PPP1R9A: variants seen among roughly 807,000 people sequenced by gnomAD.
The protein encoded by PPP1R9A is neurabin-1.
PPP1R9A carries 59 observed loss-of-function variants against 141.9 expected under a neutral mutation model. That is an observed-to-expected ratio of 0.42 (90% CI 0.34 to 0.52). The LOEUF is 0.52. Among genes scored for constraint, PPP1R9A ranks in the 20% least tolerant of loss-of-function variants. The pLI, the probability that PPP1R9A is intolerant of heterozygous loss-of-function variation, is 0.10. For synonymous variants in PPP1R9A, 500 were observed against 569.7 expected, an observed-to-expected ratio of 0.88 and a Z score of 1.74; for missense variants, 1,444 against 1,611.9, an observed-to-expected ratio of 0.90 and a Z score of 1.78.
At chr7:95,199,261 T>G (rs1157358654) in intron 6 of PPP1R9A, among the ~76,000 whole-genome samples, 1 of 152,204 alleles carries the variant, frequency 6.6e-6, no homozygotes, top group Admixed American at 6.5e-5. Context: ...AACATTCATG[T>G]GTTTCATATT....
intron 2 of PPP1R9A, among the ~76,000 whole-genome samples, chr7:94,942,807 A>C (rs1325792964): frequency 4.4e-4 from 1 of 2,256 alleles, no homozygotes; most frequent in Non-Finnish European, 6.6e-4. Context: ...GTCTCTCAAT[A>C]AATAAATAAA....
At chr7:95,233,209 GT>G (rs1796219044) in intron 8 of PPP1R9A, among the ~76,000 whole-genome samples, 1 of 152,162 alleles carries the variant, frequency 6.6e-6, no homozygotes, top group South Asian at 2.1e-4. Context: ...ATGACTTAAT[GT>G]CCTTTGCAGG....
intron 2 of PPP1R9A, among the ~76,000 whole-genome samples, chr7:95,084,783 A>G (rs939598607): frequency 2.0e-5 from 3 of 152,112 alleles, no homozygotes; most frequent in South Asian, 2.1e-4. Context: ...CATGTATTCT[A>G]TTGTATGAAT....
At chr7:95,234,941 G>T (rs1796474408) in intron 8 of PPP1R9A, among the ~76,000 whole-genome samples, 1 of 152,146 alleles carries the variant, frequency 6.6e-6, no homozygotes, top group Non-Finnish European at 1.5e-5. Context: ...AACAAATGGT[G>T]CTGGGACAAT....
At chr7:95,074,107 T>A (rs1270479060) in intron 2 of PPP1R9A, among the ~76,000 whole-genome samples, 1 of 152,212 alleles carries the variant, frequency 6.6e-6, no homozygotes, top group African/African-American at 2.4e-5. Context: ...AGTTTCCTCA[T>A]GCTTAGCGTG....
intron 2 of PPP1R9A, among the ~76,000 whole-genome samples, chr7:94,943,071 A>G (rs1795518079): frequency 6.6e-6 from 1 of 152,104 alleles, no homozygotes; most frequent in South Asian, 2.1e-4. Flanking sequence ...CTATTTAGTT[A>G]TTTTGGGTAG....
chr7:95,174,089 A>G (rs181698831), intron 5 of PPP1R9A, among the ~76,000 whole-genome samples: 137 of 152,262 alleles, frequency 9.0e-4, no homozygotes, highest in African/African-American at 2.9e-3. Context: ...CTTTTTCATA[A>G]TAACTAAAAA....
At chr7:94,908,938 T>C (rs1464194411) in intron 1 of PPP1R9A, among the ~76,000 whole-genome samples, 4 of 152,150 alleles carry the variant, frequency 2.6e-5, no homozygotes, top group Non-Finnish European at 5.9e-5. Context: ...GTGATGTGGC[T>C]CGGTCTAATA....
intron 2 of PPP1R9A, among the ~76,000 whole-genome samples, chr7:95,090,122 T>A (rs1444515127): frequency 6.6e-6 from 1 of 151,910 alleles, no homozygotes; most frequent in Non-Finnish European, 1.5e-5. Flanking sequence ...AAGGATCAAG[T>A]CTTTGGTGGT....
intron 4 of PPP1R9A, among the ~76,000 whole-genome samples, chr7:95,123,482 C>A (rs1441997560): frequency 1.3e-5 from 2 of 152,162 alleles, no homozygotes; most frequent in Admixed American, 1.3e-4. Context: ...AACCCCATCT[C>A]TACTAAAAAT....
chr7:95,084,567 A>C (rs372442689), intron 2 of PPP1R9A, among the ~76,000 whole-genome samples: 11 of 152,070 alleles, frequency 7.2e-5, no homozygotes, highest in Admixed American at 2.6e-4. Flanking sequence ...CCTAATATAA[A>C]ATCGTTTTGT....
intron 8 of PPP1R9A, among the ~76,000 whole-genome samples, chr7:95,238,803 C>G (rs1251232095): frequency 6.6e-6 from 1 of 152,132 alleles, no homozygotes; most frequent in African/African-American, 2.4e-5. Context: ...AATTTATTGT[C>G]ATACTTGATT....
chr7:95,004,397 A>G (rs1447871884), intron 2 of PPP1R9A, among the ~76,000 whole-genome samples: 1 of 152,140 alleles, frequency 6.6e-6, no homozygotes, highest in Non-Finnish European at 1.5e-5. Flanking sequence ...GGCCTCTTTT[A>G]AGTCTGTGAG....
In PPP1R9A at chr7:95,250,081, A is replaced by G. The variant is rs143276617; in HGVS notation, c.2222A>G (p.Gln741Arg). The part of the protein sequence containing the change: ...VRWELEKTQL[Q>R]QNIEENKERM... The stretch of plus-strand genomic sequence containing the variant: ...TGGGAACTAGAAAAAACCCAACTCC[A>G]ACAAAACATAGAAGAGAATAAGGAA... The change falls in exon 10 of 20, where the codon CAA becomes CGA. Residue 741 changes from glutamine to arginine, a missense_variant. Transcript: ENST00000433360. The G allele has an allele frequency of 2.7e-5, 43 of 1,613,056 alleles. No homozygotes were observed. Among genetic ancestry groups the G allele is most frequent in the Non-Finnish European group, 3.5e-5 (41 of 1,179,722 alleles).
intron 2 of PPP1R9A, among the ~76,000 whole-genome samples, chr7:95,089,575 G>A (rs1817061370): frequency 1.3e-5 from 2 of 152,000 alleles, no homozygotes; most frequent in South Asian, 4.1e-4. Flanking sequence ...CTGGGAAGAT[G>A]GCTGCACTTG....
chr7:95,270,811 A>G (rs1172182774), intron 14 of PPP1R9A, among the ~76,000 whole-genome samples: 1 of 152,212 alleles, frequency 6.6e-6, no homozygotes, highest in Non-Finnish European at 1.5e-5. Context: ...TTTGACCCAG[A>G]AGATGTGTTC....
intron 5 of PPP1R9A, among the ~76,000 whole-genome samples, chr7:95,197,660 G>T (rs1246125688): frequency 1.3e-5 from 2 of 152,010 alleles, no homozygotes; most frequent in Middle Eastern, 3.2e-3. Context: ...TGTTGTTGTT[G>T]TTGTTGGTTT....
At chr7:94,950,289 T>TA (rs1320662215) in intron 2 of PPP1R9A, among the ~76,000 whole-genome samples, 4 of 152,140 alleles carry the variant, frequency 2.6e-5, no homozygotes, top group Admixed American at 6.6e-5. Flanking sequence ...GCTCTTTTTT[T>TA]ATGTTCATTT....
chr7:95,102,317 C>A (rs1421434502), intron 2 of PPP1R9A, among the ~76,000 whole-genome samples: 1 of 151,972 alleles, frequency 6.6e-6, no homozygotes, highest in Non-Finnish European at 1.5e-5. Context: ...ATAAATAAGC[C>A]ACAACTTAGA....
Sources: gnomAD v4.1 joint callset for allele counts (sites outside exome capture counted in the v4.1 genomes callset) on GRCh38, gnomAD v4.1.1 for gene constraint, MANE v1.5 for transcripts, NCBI Gene and HGNC (gene_info 2026-07-23, HGNC 2026-07-21) for gene names.